The following ZC3H14 variants were observed in gnomAD, a reference collection of about 807,000 sequenced individuals.
ZC3H14 encodes the protein zinc finger CCCH-type containing 14.
In ZC3H14, 31 loss-of-function variants were observed where a neutral mutation model predicts 92.4. The observed-to-expected ratio is 0.34, with a 90% CI of 0.25 to 0.45. ZC3H14 has a LOEUF of 0.45. Among genes scored for constraint, ZC3H14 ranks in the 20% least tolerant of loss-of-function variants. The probability of loss-of-function intolerance (pLI) is 1.00; values close to 1 mark genes in which losing one functional copy is unlikely to be tolerated. For missense variants in ZC3H14, 781 were observed against 897.3 expected, an observed-to-expected ratio of 0.87 and a Z score of 1.66; for synonymous variants, 321 against 300.9, an observed-to-expected ratio of 1.07 and a Z score of -0.69.
intron 9 of ZC3H14, chr14:88,591,818 C>T (rs974964880): frequency 6.6e-6 from 1 of 152,212 alleles, no homozygotes; most frequent in African/African-American, 2.4e-5. Context: ...ACCCAGAGTT[C>T]TCTGTGACAT....
intron 9 of ZC3H14, among the ~76,000 whole-genome samples, chr14:88,595,892 A>G (rs1236437788): frequency 1.3e-5 from 2 of 152,156 alleles, no homozygotes; most frequent in Non-Finnish European, 2.9e-5. Context: ...CCCTTTGTAC[A>G]CTGTAGTGCA....
At chr14:88,595,020 CAG>C in intron 9 of ZC3H14, 9 of 1,613,708 alleles carry the variant, frequency 5.6e-6, no homozygotes, top group Non-Finnish European at 7.6e-6. Context: ...ATGAATGCAA[CAG>C]ACAGTTTGAA....
chr14:88,594,318 G>T, intron 9 of ZC3H14: 1 of 846,764 alleles, frequency 1.2e-6, no homozygotes, highest in Non-Finnish European at 1.4e-6. Context: ...ATCATATGAA[G>T]TAAATAATAG....
At chr14:88,599,424 T>G (rs1046893981) in intron 10 of ZC3H14, among the ~76,000 whole-genome samples, 1 of 152,154 alleles carries the variant, frequency 6.6e-6, no homozygotes, top group African/African-American at 2.4e-5. Flanking sequence ...GAACAAAAAG[T>G]AAATGCATGG....
intron 9 of ZC3H14, chr14:88,586,587 C>A (rs1029418308): frequency 6.6e-6 from 1 of 152,204 alleles, no homozygotes; most frequent in Non-Finnish European, 1.5e-5. Context: ...TGTCCTTTCT[C>A]TCTGGCTGCT....
intron 9 of ZC3H14, chr14:88,589,515 A>G (rs1165606861): frequency 6.6e-6 from 1 of 152,108 alleles, no homozygotes; most frequent in Non-Finnish European, 1.5e-5. Context: ...CTTGCCCTGA[A>G]TTCCTCATTT....
At position 88,621,161 on chromosome 14, in the gene ZC3H14, A is replaced by C. The variant is rs201405202; in HGVS notation, c.*9410A>C. The C allele has an allele frequency of 6.2e-4, 1,005 of 1,613,826 alleles. 9 individuals are homozygous for C. The highest frequency in any genetic ancestry group is 3.3e-4 in the Middle Eastern group (2 of 6,084). On this transcript the variant is annotated 3_prime_UTR_variant, in exon 17 of 17. Coordinates refer to ENST00000251038, the MANE Select transcript of ZC3H14 (RefSeq NM_024824.5). ...TCACTGTCCCATCTTCTGCAGCAGA[A>C]AGGAAAAAATCCCTGGAAGGATGTG...
At chr14:88,563,537 G>A in intron 1 of ZC3H14, 114 bp from the exon 2 acceptor site, 1 of 1,582,194 alleles carries the variant, frequency 6.3e-7, no homozygotes, top group Non-Finnish European at 8.6e-7. Context: ...CCCAGCCCCC[G>A]CCCGGGGGAT....
chr14:88,615,404 A>G lies in ZC3H14; in HGVS notation c.*3653A>G, dbSNP rs959526879. ...CAAGAATAAAATATTTCATTAAACA[A>G]TGAACCTTGAAAATAAAATATAAAC... On this transcript the variant is annotated 3_prime_UTR_variant, in exon 17 of 17. Transcript: ENST00000251038. 3.2e-5 allele frequency: 5 copies of G among 157,682 alleles called. No homozygotes were observed. Among genetic ancestry groups the G allele is most frequent in the Admixed American group, 2.6e-4 (4 of 15,478 alleles). 9.8% of individuals were successfully genotyped at this position (157,682 alleles called of 1,614,324 possible).
rs1391524118 is a variant in ZC3H14 at position 88,622,345 on chromosome 14, C to A, written c.*10594C>A. 6.1e-6 allele frequency: 2 copies of A among 325,652 alleles called. No individual in the cohort carries two copies. Among genetic ancestry groups the A allele is most frequent in the Non-Finnish European group, 1.1e-5 (2 of 180,116 alleles). 20.2% of individuals were successfully genotyped at this position (325,652 alleles called of 1,614,324 possible). On this transcript the variant is annotated 3_prime_UTR_variant, in exon 17 of 17. Transcript: ENST00000251038. ...TGCCAAGGGCTTTCAATTATGTCTA[C>A]TAGAGTTGTTAAATTGGCAGATTCT...
At position 88,618,676 on chromosome 14, in the gene ZC3H14, A is replaced by C; in HGVS notation, c.*6925A>C. 5 of 1,613,008 alleles carry C rather than the reference A, an allele frequency of 3.1e-6. No homozygotes were observed. The highest frequency in any genetic ancestry group is 4.2e-6 in the Non-Finnish European group (5 of 1,179,508). Reference sequence around the variant, plus strand: ...TGGAGATAACTGCTATCTGCAGAGAAGTCCATTTGAATGACAAAGCTTGGA... The same window carrying C: ...TGGAGATAACTGCTATCTGCAGAGACGTCCATTTGAATGACAAAGCTTGGA... On this transcript the variant is annotated 3_prime_UTR_variant, in exon 17 of 17. Coordinates refer to ENST00000251038, the MANE Select transcript of ZC3H14 (RefSeq NM_024824.5).
chr14:88,603,306 C>CGAAG (rs1381617191), intron 12 of ZC3H14, among the ~76,000 whole-genome samples: 1 of 152,236 alleles, frequency 6.6e-6, no homozygotes, highest in Non-Finnish European at 1.5e-5. Context: ...GAGACCTCTT[C>CGAAG]CGCTTATGCT....
In ZC3H14 at chr14:88,622,023, ATCCCCC is replaced by A. The variant is rs965293097; in HGVS notation, c.*10286_*10291del. On this transcript the variant is annotated 3_prime_UTR_variant, in exon 17 of 17. Transcript: ENST00000251038. ...TGTATCCTTTAACCAGTCCTTCCCT[ATCCCCC>A]TCCCCCTCCCCCTTGTCCGCCTCCA... 4.8e-5 allele frequency: 16 copies of A among 332,180 alleles called. No homozygotes were observed. Among genetic ancestry groups the A allele is most frequent in the African/African-American group, 2.5e-4 (12 of 47,452 alleles). The allele number at this position is 332,180 out of a possible 1,614,324, so 20.6% of individuals were successfully genotyped here. A position where few individuals can be genotyped will look rare whatever the true frequency, so the allele number is the denominator to read the frequency against.
Position 88,609,269 on chromosome 14 carries a change from C to G in ZC3H14, c.1871C>G (p.Ala624Gly). Residue 624 changes from alanine to glycine, a missense_variant and splice_region_variant, in exon 14 of 17, where the codon GCC (alanine) becomes GGC (glycine). Transcript: ENST00000251038. ...AYHHPISPCK[A>G]FPNCKFAEKC... Reference sequence around the variant, plus strand: ...TATGCTTTTTTTTTGTTTTGTAGAGCCTTCCCCAATTGTAAATTTGCTGAA... The same window carrying G: ...TATGCTTTTTTTTTGTTTTGTAGAGGCTTCCCCAATTGTAAATTTGCTGAA... The G allele has an allele frequency of 6.2e-7, 1 of 1,613,354 alleles. No individual in the cohort carries two copies. Among genetic ancestry groups the G allele is most frequent in the South Asian group, 1.1e-5 (1 of 91,032 alleles).
chr14:88,572,987 T>G lies in ZC3H14; in HGVS notation c.841T>G (p.Ser281Ala), dbSNP rs539269277. The G allele has an allele frequency of 7.4e-6, 12 of 1,613,904 alleles. No individual in the cohort carries two copies. The highest frequency in any genetic ancestry group is 1.0e-5 in the Non-Finnish European group (12 of 1,180,036). ...GTATAGTCCGTTCTTTAGAAACAAC[T>G]CGGAGAAAATGAGTATGGAGGTTTG... ...ETYSPFFRNNSEKMSMEDENF... is the reference protein window; with the variant it reads ...ETYSPFFRNNAEKMSMEDENF... Residue 281 changes from serine to alanine, a missense_variant, in exon 6 of 17, where the codon TCG becomes GCG. By Grantham distance (99) the Ser-to-Ala change is moderately conservative. Transcript: ENST00000251038.
intron 16 of ZC3H14, 119 bp from the exon 17 acceptor site, chr14:88,611,626 T>C: frequency 8.5e-7 from 1 of 1,170,034 alleles, no homozygotes; most frequent in South Asian, 1.4e-5. Flanking sequence ...GCCATTTATA[T>C]TGTAATCTTA....
chr14:88,567,518 G>A (rs1034312362), intron 2 of ZC3H14, among the ~76,000 whole-genome samples: 2 of 150,264 alleles, frequency 1.3e-5, no homozygotes, highest in African/African-American at 2.5e-5. Context: ...ATTATTTAAT[G>A]TTAAAATTGA....
chr14:88,572,251 G>T (rs752613430), intron 5 of ZC3H14, 26 bp downstream of exon 5: 2 of 1,610,846 alleles, frequency 1.2e-6, no homozygotes, highest in African/African-American at 1.3e-5. Flanking sequence ...AGACCTGCTG[G>T]GGGCAGATGG....
chr14:88,574,455 G>A lies in ZC3H14; in HGVS notation c.862-238G>A. ...AGACAGGGTTTCACCATATTGGCCA[G>A]GCTGGTCTCGAAATCCTGACCTTGT... On this transcript the variant is annotated intron_variant, in intron 6 of 16. Transcript: ENST00000251038. The A allele has an allele frequency of 6.7e-6, 3 of 447,874 alleles. No individual in the cohort carries two copies. The East Asian group carries it at 1.4e-4, about 21-fold the overall frequency. The allele number at this position is 447,874 out of a possible 1,614,324, so 27.7% of individuals were successfully genotyped here. A position where few individuals can be genotyped will look rare whatever the true frequency, so the allele number is the denominator to read the frequency against.
Sources: allele counts gnomAD v4.1 joint callset (sites outside exome capture counted in the v4.1 genomes callset), GRCh38; gene constraint gnomAD v4.1.1; transcripts MANE v1.5; gene names NCBI Gene and HGNC (gene_info 2026-07-23, HGNC 2026-07-21).